The following RIN3 variants were observed in gnomAD, a reference collection of about 807,000 sequenced individuals.
RIN3 encodes the protein RAB5 interacting protein 3.
RIN3 carries 54 observed loss-of-function variants against 76.3 expected under a neutral mutation model. The ratio of observed to expected loss-of-function variants is 0.71; its 90% CI spans 0.57 to 0.89. The LOEUF is 0.89. Ranked by LOEUF, RIN3 falls within the 40% of genes least tolerant of loss-of-function variation. The pLI, the probability that RIN3 is intolerant of heterozygous loss-of-function variation, is 0.00. For synonymous variants in RIN3, 576 were observed against 564.0 expected (o/e 1.02, Z -0.30); for missense variants, 1,256 against 1,322.1 (o/e 0.95, Z 0.78).
intron 1 of RIN3, among the ~76,000 whole-genome samples, chr14:92,548,595 A>G (rs1897340254): frequency 2.0e-5 from 3 of 152,112 alleles, no homozygotes; most frequent in Admixed American, 1.3e-4. Flanking sequence ...AGCTCCTGGT[A>G]GTGGCTGTCT....
rs1566903181 is a variant in RIN3, at chr14:92,681,337, C to G, written c.2468-3650C>G. Among the ~76,000 whole-genome samples, 1 of 151,996 alleles carries G rather than the reference C, an allele frequency of 6.6e-6. No individual in the cohort carries two copies. The highest frequency in any genetic ancestry group is 2.4e-5 in the African/African-American group (1 of 41,354). ...CTCACGAAGAAGTCAGACTCCAGCACCAAGAGTGCAGCAGTAGGGCGTGGC... is the reference window on the plus strand; with the variant it reads ...CTCACGAAGAAGTCAGACTCCAGCAGCAAGAGTGCAGCAGTAGGGCGTGGC... On this transcript the variant is annotated intron_variant, in intron 8 of 9. Transcript: ENST00000216487. This position sits in a 1 kb window ranked among gnomAD's most constrained non-coding sequence, Gnocchi z 4.7.
chr14:92,652,452 G>A lies in RIN3; in HGVS notation c.1403G>A (p.Arg468Gln), dbSNP rs143884398. 2,492 of 1,613,794 alleles carry A rather than the reference G, an allele frequency of 1.5e-3. 42 individuals carry two copies. In the African/African-American group the frequency reaches 0.03, roughly 19 times the overall value. ...CCCCCCAGGAAAAAACGGATCTCTC[G>A]ACAACTGGCCTCGACCCTCCCAGCT... ...VPPPRKKRIS[R>Q]QLASTLPAPL... The change falls in exon 6 of 10, where the codon CGA (arginine) becomes CAA (glutamine). Residue 468 changes from arginine (R) to glutamine (Q), a missense_variant. By Grantham distance (43) the Arg-to-Gln change is conservative. Coordinates refer to ENST00000216487, the MANE Select transcript of RIN3 (RefSeq NM_024832.5). The surrounding 1 kb of genome is among the most constrained non-coding windows in gnomAD (Gnocchi z 6.4).
Position 92,653,045 on chromosome 14 carries a change from G to A in RIN3, c.1996G>A (p.Asp666Asn), listed in dbSNP as rs1261750783. 2 of 1,607,452 alleles carry A rather than the reference G, an allele frequency of 1.2e-6. No homozygotes were observed. The highest frequency in any genetic ancestry group is 1.7e-6 in the Non-Finnish European group (2 of 1,179,538). The change falls in exon 6 of 10, where the codon GAC becomes AAC. Residue 666 changes from aspartate to asparagine, a missense_variant. Around this residue, in one of 3 missense-constraint regions of RIN3, gnomAD observed 428 missense variants for 521.2 expected, o/e 0.82. Transcript: ENST00000216487. The stretch of plus-strand genomic sequence containing the variant: ...GAGCACCGAGCTCAAGGCCCTGGTG[G>A]ACCCCGCCCTGCACTCCGAGGAGGA... ...LQSTELKALV[D>N]PALHSEEELE... is the part of the protein sequence containing the mutation.
At chr14:92,565,287 T>C (rs1897888187) in intron 2 of RIN3, among the ~76,000 whole-genome samples, 1 of 152,074 alleles carries the variant, frequency 6.6e-6, no homozygotes, top group African/African-American at 2.4e-5. Context: ...TGACATTCGT[T>C]CTCAGGGCCA....
Position 92,652,008 on chromosome 14 carries a change from C to T in RIN3, c.959C>T (p.Pro320Leu). ...PLPTSPPVPA[P>L]HVTPHAPGPP... ...CCCACCTCTCCCCCAGTGCCTGCCCCCCACGTCACACCCCATGCCCCAGGT... is the reference window on the plus strand; with the variant it reads ...CCCACCTCTCCCCCAGTGCCTGCCCTCCACGTCACACCCCATGCCCCAGGT... Residue 320 changes from proline to leucine, a missense_variant, in exon 6 of 10, where the codon CCC becomes CTC. Pro to Leu is a moderately conservative substitution (Grantham distance 98). Transcript: ENST00000216487. This position sits in a 1 kb window ranked among gnomAD's most constrained non-coding sequence, Gnocchi z 6.4. 6.4e-7 allele frequency: 1 copy of T among 1,569,136 alleles called. No homozygotes were observed. Among genetic ancestry groups the T allele is most frequent in the Non-Finnish European group, 8.7e-7 (1 of 1,151,174 alleles).
chr14:92,635,948 A>C (rs114020222), intron 4 of RIN3, among the ~76,000 whole-genome samples: 2,390 of 152,278 alleles, frequency 0.016, 66 homozygotes, highest in African/African-American at 0.054. Flanking sequence ...ATTAGGAAAT[A>C]ATTTTTTGCT....
chr14:92,534,240 T>TC (rs1491512922), intron 1 of RIN3, among the ~76,000 whole-genome samples: 1 of 82,128 alleles, frequency 1.2e-5, no homozygotes, highest in African/African-American at 5.4e-5. Context: ...AGTCATGTCA[T>TC]TTTTTTTTTT....
intron 8 of RIN3, 51 bp from the exon 9 acceptor site, chr14:92,684,936 C>A (rs771386367): frequency 6.3e-7 from 1 of 1,575,374 alleles, no homozygotes; most frequent in Non-Finnish European, 8.7e-7. Flanking sequence ...CTCCTTGCCT[C>A]TGGTGGGCGG....
intron 1 of RIN3, 80 bp from the exon 2 acceptor site, chr14:92,555,671 G>A (rs1897555425): frequency 7.4e-7 from 1 of 1,347,756 alleles, no homozygotes; most frequent in African/African-American, 1.4e-5. Context: ...AAGTAAGCGT[G>A]GCTGAATGGA....
At position 92,533,510 on chromosome 14, in the gene RIN3, A is replaced by C. The variant is rs113290947; in HGVS notation, c.44+19534A>C. Among the ~76,000 whole-genome samples the C allele has an allele frequency of 5.1e-3, 782 of 152,318 alleles. 5 individuals carry two copies. The highest frequency in any genetic ancestry group is 0.014 in the African/African-American group (571 of 41,548). On this transcript the variant is annotated intron_variant, in intron 1 of 9. Transcript: ENST00000216487. ...GATAAAGAAATTGTGGTCTCTCTCT[A>C]TATATATGATGAAATACTACTCAGC...
At chr14:92,528,666 G>A (rs958515773) in intron 1 of RIN3, among the ~76,000 whole-genome samples, 9 of 152,208 alleles carry the variant, frequency 5.9e-5, no homozygotes, top group Non-Finnish European at 1.3e-4. Context: ...AGACCTCTCC[G>A]ATCATTGCTT....
rs12434929 is a variant in RIN3, at chr14:92,652,887, G to A, written c.1838G>A (p.Gly613Asp). The change falls in exon 6 of 10, where the codon GGC (glycine) becomes GAC (aspartate). Residue 613 changes from glycine to aspartate, a missense_variant. Physicochemically the swap from Gly to Asp is moderately conservative, Grantham distance 94 (BLOSUM62 -1). Coordinates refer to ENST00000216487, the MANE Select transcript of RIN3 (RefSeq NM_024832.5). The surrounding 1 kb of genome is among the most constrained non-coding windows in gnomAD (Gnocchi z 6.4). ...GTGGTGGAGCTGGCGCAGGACAAGG[G>A]CTCGTACTTTGGCAGCCTGGTGCAG... is the stretch of plus-strand genomic sequence containing the variant. ...KKVVELAQDK[G>D]SYFGSLVQDY... The A allele has an allele frequency of 2.5e-6, 4 of 1,614,036 alleles. No individual in the cohort carries two copies. The highest frequency in any genetic ancestry group is 1.1e-5 in the South Asian group (1 of 91,092).
chr14:92,676,693 C>T, intron 8 of RIN3, 87 bp downstream of exon 8: 1 of 1,436,778 alleles, frequency 7.0e-7, no homozygotes, highest in Admixed American at 1.8e-5. Context: ...CAACAAGCAC[C>T]TCCTGGATGC....
chr14:92,680,228 C>T (rs1184013968), intron 8 of RIN3, among the ~76,000 whole-genome samples: 3 of 145,220 alleles, frequency 2.1e-5, no homozygotes, highest in Admixed American at 6.9e-5. Context: ...GAGACAGAGT[C>T]TCTGTCTGTC....
intron 2 of RIN3, among the ~76,000 whole-genome samples, chr14:92,563,742 C>A (rs1897842542): frequency 1.3e-5 from 2 of 152,142 alleles, no homozygotes; most frequent in Admixed American, 1.3e-4. Context: ...TGCTATGTAG[C>A]CAGAGTTGAG....
chr14:92,515,416 C>T (rs765153005), intron 1 of RIN3: 2 of 541,246 alleles, frequency 3.7e-6, no homozygotes, highest in African/African-American at 3.9e-5. Context: ...CTAGTGTGAT[C>T]CACTTCCTCT....
At chr14:92,615,297 C>A in intron 3 of RIN3, 110 bp from the exon 4 acceptor site, 1 of 870,322 alleles carries the variant, frequency 1.1e-6, no homozygotes, top group Non-Finnish European at 1.9e-6. Flanking sequence ...GCATGGGACC[C>A]AGAATGTGTG....
intron 1 of RIN3, among the ~76,000 whole-genome samples, chr14:92,537,841 ATT>A (rs767533245): frequency 4.3e-5 from 4 of 93,314 alleles, no homozygotes; most frequent in Admixed American, 1.2e-4. Context: ...TATTTTATTT[ATT>A]TTTTTTTTTT....
chr14:92,527,889 T>C (rs1431834467), intron 1 of RIN3, among the ~76,000 whole-genome samples: 1 of 152,184 alleles, frequency 6.6e-6, no homozygotes, highest in Non-Finnish European at 1.5e-5. Context: ...TGTTTATCCC[T>C]TCCCCGCTCA....
Sources: gnomAD v4.1 joint callset for allele counts (sites outside exome capture counted in the v4.1 genomes callset) on GRCh38, gnomAD v4.1.1 for gene constraint, gnomAD v4.1.1 regional missense constraint, Gnocchi (gnomAD v3.1) non-coding constraint, MANE v1.5 for transcripts, NCBI Gene and HGNC (gene_info 2026-07-23, HGNC 2026-07-21) for gene names.